RTN4: variants seen among roughly 807,000 people sequenced by gnomAD.
The protein encoded by RTN4 is reticulon-4.
Under a neutral mutation model 90.4 loss-of-function variants are expected in RTN4, and 32 were observed. The ratio of observed to expected loss-of-function variants is 0.35; its 90% CI spans 0.27 to 0.48. RTN4 has a LOEUF of 0.48. RTN4 is among the 20% of genes least tolerant of loss of function. RTN4 has a pLI of 0.99. For missense variants in RTN4, 1,706 were observed against 1,430.2 expected (o/e 1.19, Z -3.11); for synonymous variants, 629 against 552.5 (o/e 1.14, Z -1.94).
chr2:55,099,250 C>T lies in RTN4; in HGVS notation c.-214+13270G>A, dbSNP rs367717079. Among the ~76,000 whole-genome samples the T allele has an allele frequency of 3.2e-4, 49 of 152,144 alleles. 1 individual carries two copies. The highest frequency in any genetic ancestry group is 1.1e-3 in the Admixed American group (17 of 15,274). On this transcript the variant is annotated intron_variant, in intron 1 of 3. Transcript: ENST00000427710. Reference sequence around the variant, plus strand: ...TATCAGTTCAATAATGAGTTGCCTCCCAATCATCTTCTAAACATGACCAGT... The same window carrying T: ...TATCAGTTCAATAATGAGTTGCCTCTCAATCATCTTCTAAACATGACCAGT...
chr2:54,988,815 T>G (rs1678781118), intron 3 of RTN4, among the ~76,000 whole-genome samples: 1 of 152,238 alleles, frequency 6.6e-6, no homozygotes, highest in African/African-American at 2.4e-5. Flanking sequence ...CTCTTGGACA[T>G]GGCCACAGGG....
chr2:55,009,874 C>T (rs1680505038), intron 3 of RTN4, among the ~76,000 whole-genome samples: 1 of 151,228 alleles, frequency 6.6e-6, no homozygotes, highest in Admixed American at 6.6e-5. Context: ...ACTGAAAAGA[C>T]TAAACCGAAT....
At chr2:55,133,834 T>C in the RTN4 span, among the ~76,000 whole-genome samples, 8 of 152,058 alleles carry the variant, frequency 5.3e-5, no homozygotes, top group Admixed American at 5.2e-4. Context: ...CAGGAAGTCA[T>C]GTGGGTTCTT....
rs977450498 is a variant in RTN4, at chr2:55,095,120, C to G, written c.-213-14481G>C. On this transcript the variant is annotated intron_variant, in intron 1 of 3. Coordinates refer to the RTN4 transcript ENST00000427710. ...GGTGGATCACCTGACTTCAGGAGTT[C>G]GAGATCAGCCTGGCCAAAATGGTGA... 2.0e-5 allele frequency among the ~76,000 whole-genome samples: 3 copies of G among 152,028 alleles called. No homozygotes were observed. In the East Asian group the frequency reaches 5.8e-4, roughly 29 times the overall value.
intron 3 of RTN4, among the ~76,000 whole-genome samples, chr2:55,019,088 C>T (rs971122816): frequency 1.3e-5 from 2 of 151,976 alleles, no homozygotes; most frequent in Admixed American, 1.3e-4. Flanking sequence ...TCAAAATATG[C>T]AATAATTTAC....
At chr2:54,997,395 T>C (rs894279693) in intron 3 of RTN4, among the ~76,000 whole-genome samples, 6 of 152,194 alleles carry the variant, frequency 3.9e-5, no homozygotes, top group African/African-American at 7.2e-5. Context: ...AGAAGCCTCA[T>C]AGATTGCTGA....
At chr2:55,014,916 G>A (rs1312485604) in intron 3 of RTN4, among the ~76,000 whole-genome samples, 5 of 152,092 alleles carry the variant, frequency 3.3e-5, no homozygotes, top group Admixed American at 3.3e-4. Context: ...ATCCAGGTTT[G>A]GGGGGAATCT....
At chr2:55,134,247 C>T in the RTN4 span, among the ~76,000 whole-genome samples, 522 of 152,246 alleles carry the variant, frequency 3.4e-3, 5 homozygotes, top group African/African-American at 0.012. Flanking sequence ...GCCTCTTTAC[C>T]GCATCCTGTT....
At chr2:55,057,755 C>G (rs1480844382) in intron 2 of RTN4, among the ~76,000 whole-genome samples, 1 of 152,116 alleles carries the variant, frequency 6.6e-6, no homozygotes, top group African/African-American at 2.4e-5. Flanking sequence ...GAGGCCAAAG[C>G]AGAGGCTTGC....
chr2:54,987,411 C>T (rs772703673), intron 4 of RTN4, 80 bp downstream of exon 4: 152 of 1,051,412 alleles, frequency 1.4e-4, no homozygotes, highest in Non-Finnish European at 2.2e-4. Flanking sequence ...GCTTGTAACT[C>T]TATAGACAGT....
At chr2:55,066,595 G>A (rs1053743637) in intron 2 of RTN4, among the ~76,000 whole-genome samples, 1 of 152,028 alleles carries the variant, frequency 6.6e-6, no homozygotes, top group Non-Finnish European at 1.5e-5. Context: ...TCAGGAGGCT[G>A]AAGCAGGAGA....
chr2:55,096,288 T>C (rs6718269), intron 1 of RTN4, among the ~76,000 whole-genome samples: 29,140 of 151,284 alleles, frequency 0.19, 2,889 homozygotes, highest in South Asian at 0.28. Context: ...ATCACACCAT[T>C]GCACTCCAGC....
chr2:55,081,862 CAAA>C lies in RTN4; in HGVS notation c.-213-1226_-213-1224del, dbSNP rs71410421. Among the ~76,000 whole-genome samples, 68 of 105,412 alleles carry C rather than the reference CAAA, an allele frequency of 6.5e-4. 2 individuals are homozygous for C. The South Asian group carries it at 0.02, about 31-fold the overall frequency. The allele number at this position is 105,412 out of a possible 152,430, so 69.2% of individuals were successfully genotyped here. A position where few individuals can be genotyped will look rare whatever the true frequency, so the allele number is the denominator to read the frequency against. On this transcript the variant is annotated intron_variant, in intron 1 of 3. Coordinates refer to the RTN4 transcript ENST00000427710. ...TCGGCAACAGAGCCAGACCCTGTCT[CAAA>C]AAAAAAAAAAAAAAAATGAGTGAGA...
chr2:55,077,418 AC>A (rs1444387268), intron 2 of RTN4, among the ~76,000 whole-genome samples: 1 of 152,170 alleles, frequency 6.6e-6, no homozygotes, highest in African/African-American at 2.4e-5. Context: ...ACAATGCAAT[AC>A]CACCTCACTC....
At chr2:55,000,043 T>G (rs987070977) in intron 3 of RTN4, among the ~76,000 whole-genome samples, 1 of 152,160 alleles carries the variant, frequency 6.6e-6, no homozygotes, top group African/African-American at 2.4e-5. Context: ...AAGAAATTAT[T>G]TGAAGCTGAA....
At chr2:54,998,859 A>G (rs1202098914) in intron 3 of RTN4, among the ~76,000 whole-genome samples, 1 of 152,210 alleles carries the variant, frequency 6.6e-6, no homozygotes, top group African/African-American at 2.4e-5. Flanking sequence ...AAATTAAGAC[A>G]AAGAGTTTAT....
At chr2:55,022,152 C>A (rs1160703041) in intron 3 of RTN4, among the ~76,000 whole-genome samples, 1 of 152,130 alleles carries the variant, frequency 6.6e-6, no homozygotes, top group East Asian at 1.9e-4. Context: ...TCCTAAGGGC[C>A]ACCATCTACT....
chr2:55,071,235 C>G (rs1668507379), intron 2 of RTN4, among the ~76,000 whole-genome samples: 1 of 151,996 alleles, frequency 6.6e-6, no homozygotes, highest in Non-Finnish European at 1.5e-5. Flanking sequence ...ATGTCTGGCA[C>G]AGTCAGTCAT....
intron 1 of RTN4, among the ~76,000 whole-genome samples, chr2:55,093,557 A>T (rs945825658): frequency 2.0e-5 from 3 of 152,152 alleles, no homozygotes; most frequent in African/African-American, 7.2e-5. Context: ...CTTAGAGGTG[A>T]TGCTTCTTCC....
Sources: gnomAD v4.1 joint callset for allele counts (sites outside exome capture counted in the v4.1 genomes callset) on GRCh38, gnomAD v4.1.1 for gene constraint, MANE v1.5 for transcripts, NCBI Gene and HGNC (gene_info 2026-07-23, HGNC 2026-07-21) for gene names.